Variants in ANXA3 observed in about 807,000 individuals in gnomAD.
The protein encoded by ANXA3 is annexin A3.
ANXA3 carries 46 observed loss-of-function variants against 48.8 expected under a neutral mutation model. The observed-to-expected ratio is 0.94, with a 90% CI of 0.74 to 1.21. The LOEUF is 1.21. Ranked by LOEUF, ANXA3 falls within the 50% of genes most tolerant of loss-of-function variation. The pLI, the probability that ANXA3 is intolerant of heterozygous loss-of-function variation, is 0.00. For missense variants in ANXA3, 383 were observed against 378.6 expected (o/e 1.01, Z -0.10); for synonymous variants, 128 against 134.7 (o/e 0.95, Z 0.35).
At chr4:78,567,969 T>C (rs1435767374) in intron 2 of ANXA3, among the ~76,000 whole-genome samples, 1 of 152,240 alleles carries the variant, frequency 6.6e-6, no homozygotes, top group Non-Finnish European at 1.5e-5. Context: ...AGTCTCTGCC[T>C]TCACCATCAC....
chr4:78,583,792 C>G (rs542811818), intron 5 of ANXA3, among the ~76,000 whole-genome samples: 1 of 152,186 alleles, frequency 6.6e-6, no homozygotes, highest in Non-Finnish European at 1.5e-5. Flanking sequence ...AGCCTTGCCT[C>G]TGGTCTTAAG....
At position 78,577,731 on chromosome 4, in the gene ANXA3, G is replaced by A. The variant is rs151142849; in HGVS notation, c.104-1296G>A. 2.0e-5 allele frequency among the ~76,000 whole-genome samples: 3 copies of A among 152,252 alleles called. No individual in the cohort carries two copies. In the East Asian group the frequency reaches 5.8e-4, roughly 29 times the overall value. On this transcript the variant is annotated intron_variant, in intron 3 of 12. Transcript: ENST00000264908. ...GGTCACCTTGACACAAAGAAGTTGA[G>A]CATTGAGTTCCAGGTGCTCTTTTAT...
Position 78,551,876 on chromosome 4 carries a change from G to GT in ANXA3, c.-39+17_-39+18insT, listed in dbSNP as rs1451119419. The GT allele has an allele frequency of 6.6e-6, 1 of 152,284 alleles. No homozygotes were observed. The highest frequency in any genetic ancestry group is 1.5e-5 in the Non-Finnish European group (1 of 68,082). The allele number at this position is 152,284 out of a possible 1,614,324, so 9.4% of individuals were successfully genotyped here. A position where few individuals can be genotyped will look rare whatever the true frequency, so the allele number is the denominator to read the frequency against. On this transcript the variant is annotated intron_variant, in intron 1 of 12. Coordinates refer to ENST00000264908, the MANE Select transcript of ANXA3 (RefSeq NM_005139.3). ...GCGCTTTGGGTAAGTTCAGCCTCCC[G>GT]GCGCGTCCCCGCGAGCCTCGCCCAC... is the stretch of plus-strand genomic sequence containing the variant.
chr4:78,558,014 A>G (rs1329697437), intron 2 of ANXA3, among the ~76,000 whole-genome samples: 2 of 152,226 alleles, frequency 1.3e-5, no homozygotes, highest in East Asian at 1.9e-4. Flanking sequence ...TGCGGTACAC[A>G]CACACAATGG....
At chr4:78,558,423 CT>C (rs1020533962) in intron 2 of ANXA3, among the ~76,000 whole-genome samples, 57 of 152,258 alleles carry the variant, frequency 3.7e-4, no homozygotes, top group Admixed American at 6.5e-4. Context: ...TTTATGTGTT[CT>C]TTTTTTCTCT....
intron 10 of ANXA3, among the ~76,000 whole-genome samples, chr4:78,600,075 C>A (rs1188669621): frequency 6.6e-6 from 1 of 152,136 alleles, no homozygotes; most frequent in African/African-American, 2.4e-5. Context: ...TCAAGATAAG[C>A]TGCAACAGAG....
chr4:78,608,355 A>T lies in ANXA3; in HGVS notation c.913-1701A>T, dbSNP rs1011067631. Among the ~76,000 whole-genome samples the T allele has an allele frequency of 3.3e-5, 5 of 152,248 alleles. No individual in the cohort carries two copies. The East Asian group carries it at 9.7e-4, about 29-fold the overall frequency. On this transcript the variant is annotated intron_variant, in intron 12 of 12. Coordinates refer to ENST00000264908, the MANE Select transcript of ANXA3 (RefSeq NM_005139.3). ...GAACATTCTAATAAAAGAAATGACA[A>T]ATGGAAAGGCCTCATGGTGGAGGAA...
At position 78,556,779 on chromosome 4, in the gene ANXA3, C is replaced by T. The variant is rs574705369; in HGVS notation, c.15+2291C>T. 2.9e-3 allele frequency among the ~76,000 whole-genome samples: 435 copies of T among 152,098 alleles called. 1 individual carries two copies. The highest frequency in any genetic ancestry group is 9.9e-3 in the African/African-American group (409 of 41,480). On this transcript the variant is annotated intron_variant, in intron 2 of 12. Coordinates refer to ENST00000264908, the MANE Select transcript of ANXA3 (RefSeq NM_005139.3). ...AAATGCTGGTGTTAAAAAAAAAAGT[C>T]GCCCTCTGGCCCTCGCCCATGAGTA...
rs924821234 is a variant in ANXA3, at chr4:78,559,333, T to C, written c.15+4845T>C. On this transcript the variant is annotated intron_variant, in intron 2 of 12. Transcript: ENST00000264908. ...CCTGAGCTCAGCTGATCCACCCACA[T>C]TGGCCTTCGGAAGTGTTGGGATTAC... is the stretch of plus-strand genomic sequence containing the variant. Among the ~76,000 whole-genome samples, 5 of 152,192 alleles carry C rather than the reference T, an allele frequency of 3.3e-5. No homozygotes were observed. In the East Asian group the frequency reaches 7.7e-4, roughly 23 times the overall value.
chr4:78,599,543 T>C (rs184963033), intron 10 of ANXA3, among the ~76,000 whole-genome samples: 1 of 152,110 alleles, frequency 6.6e-6, no homozygotes, highest in African/African-American at 2.4e-5. Context: ...AACATGTTGA[T>C]TTCAGAAACC....
intron 8 of ANXA3, 129 bp from the exon 9 acceptor site, chr4:78,595,665 G>T: frequency 1.3e-6 from 1 of 759,122 alleles, no homozygotes; most frequent in Non-Finnish European, 2.1e-6. Flanking sequence ...TTGATTTCTA[G>T]TCTTCTGAAA....
chr4:78,607,680 A>G (rs898304719), intron 12 of ANXA3, among the ~76,000 whole-genome samples: 1 of 152,226 alleles, frequency 6.6e-6, no homozygotes, highest in African/African-American at 2.4e-5. Context: ...GGTATGAAGA[A>G]ACAATTAGAA....
intron 10 of ANXA3, among the ~76,000 whole-genome samples, chr4:78,598,989 A>G (rs1465732650): frequency 6.6e-6 from 1 of 152,218 alleles, no homozygotes; most frequent in Admixed American, 6.5e-5. Flanking sequence ...TGAATAATGT[A>G]TTACATTTGG....
rs950438427 is a variant in ANXA3, at chr4:78,554,292, A to G, written c.-38-144A>G. 10 of 632,404 alleles carry G rather than the reference A, an allele frequency of 1.6e-5. No individual in the cohort carries two copies. The African/African-American group carries it at 1.8e-4, about 12-fold the overall frequency. 39.2% of individuals were successfully genotyped at this position (632,404 alleles called of 1,614,324 possible). A position where few individuals can be genotyped will look rare whatever the true frequency, so the allele number is the denominator to read the frequency against. The stretch of plus-strand genomic sequence containing the variant: ...TGTTTGTTTAGCAAATGGGATACCC[A>G]ATGTCAGATATATGCTCTTCCTGAG... On this transcript the variant is annotated intron_variant, in intron 1 of 12. Coordinates refer to ENST00000264908, the MANE Select transcript of ANXA3 (RefSeq NM_005139.3).
At position 78,600,056 on chromosome 4, in the gene ANXA3, G is replaced by A. The variant is rs763486599; in HGVS notation, c.731-1454G>A. On this transcript the variant is annotated intron_variant, in intron 10 of 12. Transcript: ENST00000264908. ...CAGGAAACACGTCTGGCAGTGGACA[G>A]CTGGACTCTCAAGATAAGCTGCAAC... Among the ~76,000 whole-genome samples the A allele has an allele frequency of 4.8e-4, 73 of 152,164 alleles. 1 individual carries two copies. Among genetic ancestry groups the A allele is most frequent in the Admixed American group, 1.3e-4 (2 of 15,274 alleles).
chr4:78,566,519 GCAGGAA>G (rs1722735305), intron 2 of ANXA3, among the ~76,000 whole-genome samples: 1 of 150,200 alleles, frequency 6.7e-6, no homozygotes, highest in Non-Finnish European at 1.5e-5. Context: ...CATGTCTTTT[GCAGGAA>G]CATGAATGGA....
At chr4:78,597,102 G>A (rs995697655) in intron 9 of ANXA3, 3 of 439,098 alleles carry the variant, frequency 6.8e-6, no homozygotes, top group African/African-American at 6.3e-5. Flanking sequence ...AGAGATCATT[G>A]AAGAAAATCA....
At chr4:78,599,715 A>AT (rs542615118) in intron 10 of ANXA3, among the ~76,000 whole-genome samples, 102 of 152,052 alleles carry the variant, frequency 6.7e-4, no homozygotes, top group African/African-American at 2.4e-3. Context: ...GAACTGGTTA[A>AT]TTTTTTTTCC....
intron 10 of ANXA3, among the ~76,000 whole-genome samples, chr4:78,600,004 C>T (rs76601809): frequency 1.3e-5 from 2 of 152,022 alleles, no homozygotes; most frequent in East Asian, 3.9e-4. Flanking sequence ...GTTGGGCAAG[C>T]ACAAGGGCAT....
Sources: gnomAD v4.1 joint callset for allele counts (sites outside exome capture counted in the v4.1 genomes callset) on GRCh38, gnomAD v4.1.1 for gene constraint, MANE v1.5 for transcripts, NCBI Gene and HGNC (gene_info 2026-07-23, HGNC 2026-07-21) for gene names.